MCCC1: variants seen among roughly 807,000 people sequenced by gnomAD.
MCCC1 encodes methylcrotonyl-CoA carboxylase subunit 1.
A neutral mutation model predicts 83.8 loss-of-function variants in MCCC1; 64 were observed. That is an observed-to-expected ratio of 0.76 (90% CI 0.62 to 0.94). The LOEUF (loss-of-function observed/expected upper bound fraction) is 0.94. MCCC1 is among the 40% of genes least tolerant of loss of function. The probability of loss-of-function intolerance (pLI) is 0.00; values close to 1 mark genes in which losing one functional copy is unlikely to be tolerated. For missense variants in MCCC1, 807 were observed against 904.7 expected, an observed-to-expected ratio of 0.89 and a Z score of 1.39; for synonymous variants, 322 against 315.4, an observed-to-expected ratio of 1.02 and a Z score of -0.22.
upstream of MCCC1, among the ~76,000 whole-genome samples, chr3:183,101,963 G>A (rs963858815): frequency 6.6e-6 from 1 of 151,992 alleles, no homozygotes; most frequent in African/African-American, 2.4e-5. Flanking sequence ...GAACCCACCA[G>A]AAGGAAGAAA....
chr3:183,081,156 A>G (rs1290698772), intron 4 of MCCC1, among the ~76,000 whole-genome samples: 2 of 152,244 alleles, frequency 1.3e-5, no homozygotes, highest in Non-Finnish European at 2.9e-5. Context: ...ACAATTTAAT[A>G]TAACCAAACC....
intron 15 of MCCC1, 63 bp downstream of exon 15, chr3:183,025,692 C>G (rs1203774818): frequency 1.5e-6 from 2 of 1,354,954 alleles, no homozygotes; most frequent in African/African-American, 2.9e-5. Context: ...GTGAAAGACC[C>G]TATTCAGTAT....
chr3:183,096,557 A>C (rs541326685), intron 1 of MCCC1, among the ~76,000 whole-genome samples: 2 of 152,330 alleles, frequency 1.3e-5, no homozygotes, highest in East Asian at 1.9e-4. Context: ...ATGACTATGT[A>C]GTTGAGCAGG....
chr3:183,104,598 C>T (rs544874604), intron 1 of MCCC1, among the ~76,000 whole-genome samples: 1 of 152,176 alleles, frequency 6.6e-6, no homozygotes, highest in East Asian at 1.9e-4. Context: ...GGCTACTTTC[C>T]TTAATATATA....
At chr3:183,103,942 C>T (rs1445513633), upstream of MCCC1, among the ~76,000 whole-genome samples, 2 of 152,184 alleles carry the variant, frequency 1.3e-5, no homozygotes, top group Non-Finnish European at 2.9e-5. Context: ...GCCGGTGGGC[C>T]GGCACTGCTG....
chr3:183,052,945 T>C (rs969424142), intron 8 of MCCC1, among the ~76,000 whole-genome samples: 4 of 36,100 alleles, frequency 1.1e-4, no homozygotes, highest in African/African-American at 2.4e-4. Context: ...GTATCCCTTT[T>C]ACTTAAAAAA....
At chr3:183,035,466 C>T (rs1713492650) in intron 13 of MCCC1, among the ~76,000 whole-genome samples, 1 of 151,554 alleles carries the variant, frequency 6.6e-6, no homozygotes, top group Non-Finnish European at 1.5e-5. Context: ...GTATCACTTA[C>T]CCAAAATGCT....
intron 3 of MCCC1, among the ~76,000 whole-genome samples, chr3:183,091,793 C>T (rs1052864289): frequency 4.6e-5 from 7 of 151,986 alleles, no homozygotes; most frequent in Non-Finnish European, 2.9e-5. Context: ...CTGTTTGGCA[C>T]TTTGGGAGGC....
chr3:183,095,863 A>T (rs1395643619), intron 1 of MCCC1, among the ~76,000 whole-genome samples: 5 of 152,136 alleles, frequency 3.3e-5, no homozygotes, highest in African/African-American at 1.2e-4. Context: ...CCTTGTATTT[A>T]AAAAAATGGA....
intron 8 of MCCC1, 74 bp from the exon 9 acceptor site, chr3:183,052,314 G>T: frequency 7.8e-7 from 1 of 1,279,592 alleles, no homozygotes. Context: ...ATTCAATTCA[G>T]TCAGGTGCCA....
chr3:183,083,204 T>A (rs10937112), intron 4 of MCCC1, among the ~76,000 whole-genome samples: 1 of 152,122 alleles, frequency 6.6e-6, no homozygotes, highest in South Asian at 2.1e-4. Context: ...CTTTACTAGA[T>A]GGCCAATAAG....
At chr3:183,111,153 C>T (rs1719486910) in intron 1 of MCCC1, among the ~76,000 whole-genome samples, 1 of 152,186 alleles carries the variant, frequency 6.6e-6, no homozygotes, top group Admixed American at 6.5e-5. Context: ...AAACTCAGGA[C>T]AGGATACACA....
chr3:183,032,828 C>A (rs1713192750), intron 14 of MCCC1, among the ~76,000 whole-genome samples: 1 of 149,734 alleles, frequency 6.7e-6, no homozygotes, highest in African/African-American at 2.5e-5. Flanking sequence ...GAGCCAAGAT[C>A]GTGCCACTGC....
At chr3:183,099,520 C>T, upstream of MCCC1, 2 of 1,520,974 alleles carry the variant, frequency 1.3e-6, no homozygotes, top group African/African-American at 1.4e-5. Context: ...TCCTCCACTA[C>T]GAAGCCTCGT....
In MCCC1 at chr3:183,045,561, G is replaced by A. The variant is rs558473163; in HGVS notation, c.956-21C>T. 9 of 1,612,790 alleles carry A rather than the reference G, an allele frequency of 5.6e-6. No individual in the cohort carries two copies. In the South Asian group the frequency reaches 9.9e-5, roughly 18 times the overall value. On this transcript the variant is annotated intron_variant, in intron 9 of 18. Transcript: ENST00000265594. ...AGTCCCTAAAAGGTAAAAAACAATG[G>A]TCATATTCAATAGTGTATAATCAGT...
chr3:183,039,791 A>G (rs1713916519), intron 11 of MCCC1, among the ~76,000 whole-genome samples: 3 of 152,070 alleles, frequency 2.0e-5, no homozygotes, highest in African/African-American at 7.2e-5. Flanking sequence ...TTTGAACCCC[A>G]GAGTCCTCGT....
intron 7 of MCCC1, among the ~76,000 whole-genome samples, chr3:183,060,805 A>G (rs1360413514): frequency 1.5e-5 from 2 of 136,826 alleles, no homozygotes; most frequent in East Asian, 4.5e-4. Context: ...ATTCCCACCT[A>G]TGAGTGAGAA....
At position 183,081,925 on chromosome 3, in the gene MCCC1, G is replaced by T. The variant is rs1009205520; in HGVS notation, c.369+4768C>A. On this transcript the variant is annotated intron_variant, in intron 4 of 18. Coordinates refer to ENST00000265594, the MANE Select transcript of MCCC1 (RefSeq NM_020166.5). ...CAGAGAGAGAAAGAGTTAAGCTGCT[G>T]ACCCTGAAGGCAAGGGAGAGCCAGC... Among the ~76,000 whole-genome samples the T allele has an allele frequency of 3.3e-5, 5 of 152,186 alleles. No homozygotes were observed. The South Asian group carries it at 1.0e-3, about 31-fold the overall frequency.
chr3:183,112,801 G>T (rs368380421), intron 1 of MCCC1, among the ~76,000 whole-genome samples: 1 of 152,044 alleles, frequency 6.6e-6, no homozygotes, highest in African/African-American at 2.4e-5. Context: ...AAGGCTGGGC[G>T]CATTGGCTCA....
Sources: allele counts gnomAD v4.1 joint callset (sites outside exome capture counted in the v4.1 genomes callset), GRCh38; gene constraint gnomAD v4.1.1; transcripts MANE v1.5; gene names NCBI Gene and HGNC (gene_info 2026-07-23, HGNC 2026-07-21).